The following GID4 variants were observed in gnomAD, a reference collection of about 807,000 sequenced individuals.
GID4 encodes glucose-induced degradation protein 4 homolog.
GID4 carries 7 observed loss-of-function variants against 32.4 expected under a neutral mutation model. The observed-to-expected ratio is 0.22, with a 90% CI of 0.12 to 0.41. GID4 has a LOEUF of 0.41. Among genes scored for constraint, GID4 ranks in the 10% least tolerant of loss-of-function variants. The pLI is 1.00. For synonymous variants in GID4, 166 were observed against 170.0 expected (o/e 0.98, Z 0.18); for missense variants, 309 against 400.0 (o/e 0.77, Z 1.94).
rs2045051613 is a variant in GID4 at position 18,065,350 on chromosome 17, C to T, written c.*107C>T. 4 of 814,742 alleles carry T rather than the reference C, an allele frequency of 4.9e-6. No individual in the cohort carries two copies. Among genetic ancestry groups the T allele is most frequent in the Non-Finnish European group, 8.4e-6 (4 of 476,988 alleles). 50.5% of individuals were successfully genotyped at this position (814,742 alleles called of 1,614,324 possible). On this transcript the variant is annotated 3_prime_UTR_variant, in exon 6 of 6. Coordinates refer to ENST00000268719, the MANE Select transcript of GID4 (RefSeq NM_024052.5). ...CAGGAGAAGTGTGTTCCTGTTTCTT[C>T]ACGAGCAGACTCGCATCACAAAGCA...
rs1486989136 is a variant in GID4, at chr17:18,065,310, T to C, written c.*67T>C. The C allele has an allele frequency of 2.5e-6, 3 of 1,178,380 alleles. No homozygotes were observed. Among genetic ancestry groups the C allele is most frequent in the Non-Finnish European group, 2.5e-6 (2 of 786,808 alleles). 73.0% of individuals were successfully genotyped at this position (1,178,380 alleles called of 1,614,324 possible). ...AAAAAGAACTTTGCCGAGAAAATTG[T>C]GTACCTGCCAGAACCAGGAGAAGTG... is the stretch of plus-strand genomic sequence containing the variant. On this transcript the variant is annotated 3_prime_UTR_variant, in exon 6 of 6. Transcript: ENST00000268719.
At chr17:18,042,923 T>A (rs1191484249) in intron 1 of GID4, among the ~76,000 whole-genome samples, 1 of 152,190 alleles carries the variant, frequency 6.6e-6, no homozygotes, top group Non-Finnish European at 1.5e-5. Context: ...TTTTTGTTGT[T>A]GTTGTTGTTT....
Position 18,039,624 on chromosome 17 carries a change from C to G in GID4, c.160C>G (p.Leu54Val). 1 of 1,295,300 alleles carries G rather than the reference C, an allele frequency of 7.7e-7. No individual in the cohort carries two copies. Among genetic ancestry groups the G allele is most frequent in the East Asian group, 3.1e-5 (1 of 31,768 alleles). 80.2% of individuals were successfully genotyped at this position (1,295,300 alleles called of 1,614,324 possible). ...RPHPARARPG[L>V]SLPATLLGSR... is the part of the protein sequence containing the mutation. ...CCACCCCGCGCGTGCGCGCCCCGGC[C>G]TCTCCCTCCCCGCCACCCTCCTCGG... is the stretch of plus-strand genomic sequence containing the variant. Residue 54 changes from leucine (L) to valine (V), a missense_variant, in exon 1 of 6, where the codon CTC (leucine) becomes GTC (valine). Physicochemically the swap from Leu to Val is conservative, Grantham distance 32. Transcript: ENST00000268719. The surrounding 1 kb of genome is among the most constrained non-coding windows in gnomAD (Gnocchi z 5.3).
intron 2 of GID4, 48 bp downstream of exon 2, chr17:18,045,254 T>C: frequency 6.9e-7 from 1 of 1,454,654 alleles, no homozygotes; most frequent in Non-Finnish European, 9.6e-7. Flanking sequence ...TGTGGTGTGC[T>C]CCACAGGCTC....
chr17:18,047,715 G>A (rs778598197), intron 2 of GID4, among the ~76,000 whole-genome samples: 6 of 152,208 alleles, frequency 3.9e-5, no homozygotes, highest in Admixed American at 6.5e-5. Context: ...AATAGACCAC[G>A]TTATGCTGCT....
At chr17:18,062,340 C>A (rs1308066749) in intron 5 of GID4, among the ~76,000 whole-genome samples, 1 of 152,178 alleles carries the variant, frequency 6.6e-6, no homozygotes, top group Admixed American at 6.5e-5. Flanking sequence ...GTGAATTTTG[C>A]TGTCAGCAGC....
rs2045054787 is a variant in GID4 at position 18,065,619 on chromosome 17, T to C, written c.*376T>C. 2.2e-5 allele frequency: 6 copies of C among 277,818 alleles called. No homozygotes were observed. Among genetic ancestry groups the C allele is most frequent in the South Asian group, 2.1e-4 (6 of 28,282 alleles). 17.2% of individuals were successfully genotyped at this position (277,818 alleles called of 1,614,324 possible). ...GATCACCCTCAGCCTTGGTGCTCAG[T>C]GGTCCCGAGGCCCTAGACCCCCACC... On this transcript the variant is annotated 3_prime_UTR_variant, in exon 6 of 6. Coordinates refer to ENST00000268719, the MANE Select transcript of GID4 (RefSeq NM_024052.5).
intron 1 of GID4, among the ~76,000 whole-genome samples, chr17:18,044,051 C>T (rs1174557593): frequency 3.3e-5 from 5 of 152,142 alleles, no homozygotes; most frequent in Non-Finnish European, 7.4e-5. Context: ...AACTACCATC[C>T]TCAGCATTTC....
At chr17:18,060,195 C>T (rs2045006456) in intron 4 of GID4, among the ~76,000 whole-genome samples, 1 of 150,932 alleles carries the variant, frequency 6.6e-6, no homozygotes, top group South Asian at 2.1e-4. Flanking sequence ...GTCAGGAGTT[C>T]GAGACCAGCC....
intron 2 of GID4, among the ~76,000 whole-genome samples, chr17:18,049,582 TCTG>T (rs1385932954): frequency 2.6e-5 from 4 of 152,104 alleles, no homozygotes; most frequent in African/African-American, 7.2e-5. Context: ...AGTTATTTCT[TCTG>T]CTCCTCTCCC....
At position 18,065,397 on chromosome 17, in the gene GID4, C is replaced by G; in HGVS notation, c.*154C>G. On this transcript the variant is annotated 3_prime_UTR_variant, in exon 6 of 6. Coordinates refer to ENST00000268719, the MANE Select transcript of GID4 (RefSeq NM_024052.5). The stretch of plus-strand genomic sequence containing the variant: ...AGCATGAATGTTAACCCACAGAATC[C>G]AAGGAGCATGGCTGGCCCGTGGGGC... The G allele has an allele frequency of 1.5e-6, 1 of 672,260 alleles. No individual in the cohort carries two copies. The allele number at this position is 672,260 out of a possible 1,614,324, so 41.6% of individuals were successfully genotyped here. A position where few individuals can be genotyped will look rare whatever the true frequency, so the allele number is the denominator to read the frequency against.
In GID4 at chr17:18,039,533, T is replaced by C; in HGVS notation, c.69T>C (p.Pro23=). The change falls in exon 1 of 6, where the codon CCT becomes CCC. Residue 23 remains proline, a synonymous_variant. Coordinates refer to ENST00000268719, the MANE Select transcript of GID4 (RefSeq NM_024052.5). The surrounding 1 kb of genome is among the most constrained non-coding windows in gnomAD (Gnocchi z 5.3). ...LRTGRPCSQV[P]GSRWRPERLL... is the part of the protein sequence containing the mutation. ...CTGGGAGGCCCTGCTCGCAGGTCCC[T>C]GGGTCCCGGTGGCGGCCGGAGCGCT... 7.6e-7 allele frequency: 1 copy of C among 1,307,650 alleles called. No homozygotes were observed. The highest frequency in any genetic ancestry group is 9.7e-7 in the Non-Finnish European group (1 of 1,032,898). 81.0% of individuals were successfully genotyped at this position (1,307,650 alleles called of 1,614,324 possible).
chr17:18,039,632 C>T lies in GID4; in HGVS notation c.168C>T (p.Leu56=). The T allele has an allele frequency of 7.7e-7, 1 of 1,303,110 alleles. No homozygotes were observed. Among genetic ancestry groups the T allele is most frequent in the Non-Finnish European group, 9.7e-7 (1 of 1,028,912 alleles). The allele number at this position is 1,303,110 out of a possible 1,614,324, so 80.7% of individuals were successfully genotyped here. A position where few individuals can be genotyped will look rare whatever the true frequency, so the allele number is the denominator to read the frequency against. Residue 56 remains leucine, a synonymous_variant, in exon 1 of 6, where the codon CTC becomes CTT. Coordinates refer to ENST00000268719, the MANE Select transcript of GID4 (RefSeq NM_024052.5). This position sits in a 1 kb window ranked among gnomAD's most constrained non-coding sequence, Gnocchi z 5.3. ...HPARARPGLS[L]PATLLGSRAA... ...CGCGTGCGCGCCCCGGCCTCTCCCT[C>T]CCCGCCACCCTCCTCGGCTCCCGCG... is the stretch of plus-strand genomic sequence containing the variant.
At chr17:18,053,077 G>A (rs1198481753) in intron 2 of GID4, among the ~76,000 whole-genome samples, 1 of 141,974 alleles carries the variant, frequency 7.0e-6, no homozygotes, top group Non-Finnish European at 1.5e-5. Context: ...GTGCAATGGC[G>A]TGATCTCGGC....
At chr17:18,057,676 T>A (rs35518536) in intron 3 of GID4, among the ~76,000 whole-genome samples, 31,448 of 152,064 alleles carry the variant, frequency 0.21, 4,052 homozygotes, top group Middle Eastern at 0.35. Flanking sequence ...GTCTTTTTTT[T>A]AAAAAATGGG....
In GID4 at chr17:18,065,780, G is replaced by A. The variant is rs1484606760; in HGVS notation, c.*537G>A. On this transcript the variant is annotated 3_prime_UTR_variant, in exon 6 of 6. Transcript: ENST00000268719. ...AAGGGCACAAGAGGCGGAGGCTCCA[G>A]TCCCTGCTGGGCTGCCTCAGTCTTC... 3 of 186,510 alleles carry A rather than the reference G, an allele frequency of 1.6e-5. No homozygotes were observed. The highest frequency in any genetic ancestry group is 3.1e-4 in the East Asian group (2 of 6,546). The allele number at this position is 186,510 out of a possible 1,614,324, so 11.6% of individuals were successfully genotyped here.
At chr17:18,053,968 C>A (rs527794480) in intron 2 of GID4, among the ~76,000 whole-genome samples, 159 bp from the exon 3 acceptor site, 2 of 152,244 alleles carry the variant, frequency 1.3e-5, no homozygotes, top group South Asian at 4.1e-4. Flanking sequence ...ATTGCCACAG[C>A]CTGTTGGCAA....
At chr17:18,046,688 G>A (rs1009650090) in intron 2 of GID4, among the ~76,000 whole-genome samples, 2 of 151,904 alleles carry the variant, frequency 1.3e-5, no homozygotes, top group African/African-American at 4.8e-5. Flanking sequence ...TTGGGAGGCT[G>A]AGGTGGATGG....
chr17:18,041,203 C>A (rs2044799916), intron 1 of GID4, among the ~76,000 whole-genome samples: 1 of 152,156 alleles, frequency 6.6e-6, no homozygotes, highest in South Asian at 2.1e-4. Flanking sequence ...CTGCCTCCCC[C>A]CCGCCCCACC....
Sources: allele counts gnomAD v4.1 joint callset (sites outside exome capture counted in the v4.1 genomes callset), GRCh38; gene constraint gnomAD v4.1.1; non-coding constraint Gnocchi (gnomAD v3.1); transcripts MANE v1.5; gene names NCBI Gene and HGNC (gene_info 2026-07-23, HGNC 2026-07-21).